Variants in JPH3 observed in about 807,000 individuals in gnomAD.
JPH3 encodes junctophilin-3.
Under a neutral mutation model 59.6 loss-of-function variants are expected in JPH3, and 11 were observed. The ratio of observed to expected loss-of-function variants is 0.18; its 90% confidence interval spans 0.12 to 0.31. The LOEUF (loss-of-function observed/expected upper bound fraction) is 0.31, where lower values mean the gene tolerates loss of function less well. Ranked by LOEUF, JPH3 falls within the 10% of genes least tolerant of loss-of-function variation. JPH3 has a pLI of 1.00. For missense variants in JPH3, 1,202 were observed against 1,105.7 expected (o/e 1.09, Z -1.24); for synonymous variants, 673 against 483.6 (o/e 1.39, Z -5.14).
At chr16:87,614,400 C>T (rs568599752) in intron 1 of JPH3, among the ~76,000 whole-genome samples, 8 of 149,688 alleles carry the variant, frequency 5.3e-5, no homozygotes, top group African/African-American at 2.0e-4. Context: ...CTGTGCGTCC[C>T]CTCCAAGGAT....
intron 1 of JPH3, among the ~76,000 whole-genome samples, chr16:87,628,347 C>T (rs997151685): frequency 6.6e-6 from 1 of 152,344 alleles, no homozygotes; most frequent in South Asian, 2.1e-4. Flanking sequence ...CCACCTTGGG[C>T]GGTGCCCTCC....
At chr16:87,605,974 C>G (rs2030503535) in intron 1 of JPH3, among the ~76,000 whole-genome samples, 1 of 152,204 alleles carries the variant, frequency 6.6e-6, no homozygotes, top group African/African-American at 2.4e-5. Context: ...TAGAATTGAC[C>G]CTTCTGGTCT....
chr16:87,605,007 G>T (rs1391117624), intron 1 of JPH3: 2 of 444,510 alleles, frequency 4.5e-6, no homozygotes, highest in South Asian at 3.2e-5. Flanking sequence ...GCGCGTGCAG[G>T]CACAGGGAGG....
intron 2 of JPH3, among the ~76,000 whole-genome samples, chr16:87,670,102 A>G (rs930498649): frequency 2.0e-5 from 3 of 152,046 alleles, no homozygotes; most frequent in Admixed American, 6.5e-5. Context: ...CTAGACCCCC[A>G]AGGCCCTGAC....
intron 2 of JPH3, among the ~76,000 whole-genome samples, chr16:87,663,960 G>A (rs1431715043): frequency 6.6e-6 from 1 of 152,178 alleles, no homozygotes; most frequent in Admixed American, 6.5e-5. Context: ...GAGTTGTGGT[G>A]GAATCGACTC....
At chr16:87,629,262 C>A (rs1056612049) in intron 1 of JPH3, among the ~76,000 whole-genome samples, 2 of 152,178 alleles carry the variant, frequency 1.3e-5, no homozygotes, top group African/African-American at 4.8e-5. Context: ...TGGGCTACTG[C>A]TGCGGTGGCT....
At chr16:87,624,994 T>G (rs1341819720) in intron 1 of JPH3, among the ~76,000 whole-genome samples, 1 of 152,192 alleles carries the variant, frequency 6.6e-6, no homozygotes, top group Non-Finnish European at 1.5e-5. Flanking sequence ...AGACAGGGTA[T>G]CAACATGTTG....
chr16:87,615,202 C>T (rs564200474), intron 1 of JPH3, among the ~76,000 whole-genome samples: 12 of 152,240 alleles, frequency 7.9e-5, no homozygotes, highest in South Asian at 4.1e-4. Flanking sequence ...CCATCCTCCC[C>T]GGGGCCTAAG....
In JPH3 at chr16:87,639,133, A is replaced by T. The variant is rs114757971; in HGVS notation, c.383-5125A>T. Among the ~76,000 whole-genome samples, 448 of 152,290 alleles carry T rather than the reference A, an allele frequency of 2.9e-3. 1 individual carries two copies. The highest frequency in any genetic ancestry group is 0.01 in the African/African-American group (418 of 41,540). ...GAGGTGCAGGGCTTTTGCGATGATC[A>T]TAATAGTTACCATCAATCGAGCATT... On this transcript the variant is annotated intron_variant, in intron 1 of 4. Transcript: ENST00000284262.
intron 3 of JPH3, 63 bp from the exon 4 acceptor site, chr16:87,689,583 C>G (rs529724082): frequency 1.9e-6 from 3 of 1,545,288 alleles, no homozygotes; most frequent in Non-Finnish European, 2.6e-6. Context: ...GCCCGGGGAC[C>G]GCGGCCTCGC....
At chr16:87,690,653 G>C (rs1342578103) in intron 4 of JPH3, 127 bp downstream of exon 4, 3 of 1,066,340 alleles carry the variant, frequency 2.8e-6, no homozygotes, top group African/African-American at 1.6e-5. Flanking sequence ...GGAGTAGGGT[G>C]GGGGTACAGC....
intron 1 of JPH3, among the ~76,000 whole-genome samples, chr16:87,623,975 A>G (rs1032964343): frequency 6.6e-6 from 1 of 152,202 alleles, no homozygotes; most frequent in Non-Finnish European, 1.5e-5. Context: ...GTTGCCCAGA[A>G]GTCTAGGTGT....
At chr16:87,692,661 T>C (rs147426044) in intron 4 of JPH3, among the ~76,000 whole-genome samples, 3 of 152,218 alleles carry the variant, frequency 2.0e-5, no homozygotes, top group African/African-American at 7.2e-5. Flanking sequence ...CAGGGTAAAG[T>C]CCCTTAGGAT....
intron 2 of JPH3, among the ~76,000 whole-genome samples, chr16:87,677,185 TAC>T (rs764055221): frequency 0.071 from 6,728 of 95,038 alleles, 233 homozygotes; most frequent in Non-Finnish European, 0.092. Context: ...TATATATATA[TAC>T]ACACACACAC....
At chr16:87,634,470 T>C (rs1293395839) in intron 1 of JPH3, among the ~76,000 whole-genome samples, 4 of 152,226 alleles carry the variant, frequency 2.6e-5, no homozygotes, top group Non-Finnish European at 5.9e-5. Flanking sequence ...CCTGGCCGCC[T>C]TCCCAGTGGT....
chr16:87,695,229 C>G (rs1208282099), intron 4 of JPH3: 1 of 440,036 alleles, frequency 2.3e-6, no homozygotes, highest in African/African-American at 2.0e-5. Context: ...CACCTGGTGC[C>G]ACATGAGCTA....
At chr16:87,651,103 C>G (rs1393080299) in intron 2 of JPH3, among the ~76,000 whole-genome samples, 2 of 152,174 alleles carry the variant, frequency 1.3e-5, no homozygotes, top group East Asian at 3.8e-4. Context: ...TCCTAGGGCC[C>G]ATAAGAATTG....
intron 1 of JPH3, among the ~76,000 whole-genome samples, chr16:87,632,165 C>T (rs938648483): frequency 7.9e-5 from 12 of 152,202 alleles, no homozygotes; most frequent in Non-Finnish European, 1.6e-4. Flanking sequence ...GAATTTTCCA[C>T]CTCTCTCCTG....
intron 1 of JPH3, among the ~76,000 whole-genome samples, chr16:87,642,127 G>C (rs1265242970): frequency 6.6e-6 from 1 of 152,110 alleles, no homozygotes; most frequent in East Asian, 1.9e-4. Flanking sequence ...GTGGCGGGGT[G>C]TGGGGATACC....
Sources: allele counts gnomAD v4.1 joint callset (sites outside exome capture counted in the v4.1 genomes callset), GRCh38; gene constraint gnomAD v4.1.1; transcripts MANE v1.5; gene names NCBI Gene and HGNC (gene_info 2026-07-23, HGNC 2026-07-21).